The following SLC2A9 variants were observed in gnomAD, a reference collection of about 807,000 sequenced individuals.
SLC2A9 encodes solute carrier family 2 member 9.
Under a neutral mutation model 50.6 loss-of-function variants are expected in SLC2A9, and 39 were observed. The ratio of observed to expected loss-of-function variants is 0.77; its 90% CI spans 0.60 to 1.01. SLC2A9 has a LOEUF of 1.01. Ranked by LOEUF, SLC2A9 falls within the 50% of genes least tolerant of loss-of-function variation. The pLI is 0.00. For missense variants in SLC2A9, 686 were observed against 677.6 expected (o/e 1.01, Z -0.14); for synonymous variants, 324 against 276.9 (o/e 1.17, Z -1.69).
At chr4:9,829,623 C>A (rs1458129447) in intron 11 of SLC2A9, among the ~76,000 whole-genome samples, 1 of 152,102 alleles carries the variant, frequency 6.6e-6, no homozygotes, top group African/African-American at 2.4e-5. Context: ...ATCCATCTGA[C>A]AGAGGTCTAA....
intron 8 of SLC2A9, among the ~76,000 whole-genome samples, chr4:9,907,341 T>C (rs999310125): frequency 6.6e-6 from 1 of 152,216 alleles, no homozygotes; most frequent in Admixed American, 6.5e-5. Flanking sequence ...GGAGCCAGGA[T>C]TCAAATCCAG....
At chr4:9,874,784 G>A (rs1416034778) in intron 10 of SLC2A9, among the ~76,000 whole-genome samples, 1 of 152,054 alleles carries the variant, frequency 6.6e-6, no homozygotes. Flanking sequence ...CTTTAGAAAT[G>A]GCCATAAGTT....
At chr4:9,959,975 C>A (rs1251266543) in intron 5 of SLC2A9, among the ~76,000 whole-genome samples, 1 of 152,228 alleles carries the variant, frequency 6.6e-6, no homozygotes, top group East Asian at 1.9e-4. Flanking sequence ...CATTGTCCCA[C>A]TTCAACACCA....
At chr4:9,782,305 G>T in intron 3 of SLC2A9, 3 of 1,614,014 alleles carry the variant, frequency 1.9e-6, no homozygotes, top group Non-Finnish European at 2.5e-6. Context: ...TCGTGGCGCT[G>T]CTGGTCATGC....
intron 11 of SLC2A9, among the ~76,000 whole-genome samples, chr4:9,832,102 C>T (rs1165306934): frequency 2.0e-5 from 3 of 152,172 alleles, no homozygotes; most frequent in Non-Finnish European, 2.9e-5. Context: ...CATGGCGGCC[C>T]GAGGCCCGAG....
intron 5 of SLC2A9, among the ~76,000 whole-genome samples, chr4:9,958,690 A>G (rs1751728787): frequency 6.6e-6 from 1 of 152,226 alleles, no homozygotes; most frequent in Non-Finnish European, 1.5e-5. Flanking sequence ...CATAGGATCC[A>G]GGAACCAGTG....
At chr4:9,889,680 G>C (rs1462349589) in intron 9 of SLC2A9, among the ~76,000 whole-genome samples, 3 of 152,322 alleles carry the variant, frequency 2.0e-5, no homozygotes, top group African/African-American at 7.2e-5. Context: ...TAAGACATTT[G>C]ACAGGTGATC....
intron 10 of SLC2A9, among the ~76,000 whole-genome samples, chr4:9,874,942 AG>A (rs1560221553): frequency 1.5e-3 from 208 of 142,306 alleles, no homozygotes; most frequent in African/African-American, 2.2e-3. Flanking sequence ...GCCATAGGTT[AG>A]CGTCTGTCTA....
intron 10 of SLC2A9, among the ~76,000 whole-genome samples, chr4:9,858,246 T>A (rs773307095): frequency 6.6e-6 from 1 of 152,072 alleles, no homozygotes; most frequent in African/African-American, 2.4e-5. Flanking sequence ...CCTGGGGGCA[T>A]GGAGTGGGCA....
chr4:9,792,271 G>T (rs1482530315), intron 3 of SLC2A9, among the ~76,000 whole-genome samples: 2 of 148,904 alleles, frequency 1.3e-5, no homozygotes, highest in African/African-American at 5.0e-5. Context: ...TAAACTCTTG[G>T]GCTCTGGTGA....
chr4:9,986,620 T>A (rs1578199030), intron 3 of SLC2A9, among the ~76,000 whole-genome samples: 4 of 152,046 alleles, frequency 2.6e-5, no homozygotes, highest in African/African-American at 4.8e-5. Context: ...CTTCCTTATT[T>A]CCTTTCCTTT....
intron 10 of SLC2A9, among the ~76,000 whole-genome samples, chr4:9,854,913 C>T (rs1221987876): frequency 1.3e-5 from 2 of 152,122 alleles, no homozygotes; most frequent in Non-Finnish European, 2.9e-5. Context: ...ACTAATATCC[C>T]TTCATGTTAA....
intron 5 of SLC2A9, among the ~76,000 whole-genome samples, chr4:9,948,122 C>A (rs183165942): frequency 6.6e-6 from 1 of 151,874 alleles, no homozygotes; most frequent in Non-Finnish European, 1.5e-5. Context: ...TAAACACCAC[C>A]CCCCCACCCC....
intron 10 of SLC2A9, among the ~76,000 whole-genome samples, chr4:9,856,684 T>G (rs1223768353): frequency 1.3e-5 from 2 of 151,390 alleles, no homozygotes; most frequent in Non-Finnish European, 3.0e-5. Flanking sequence ...GCAGCAACTA[T>G]TCACAATAGC....
chr4:9,963,383 A>G (rs1480555951), intron 5 of SLC2A9, among the ~76,000 whole-genome samples: 1 of 152,220 alleles, frequency 6.6e-6, no homozygotes, highest in Non-Finnish European at 1.5e-5. Flanking sequence ...GGTCTTCTTC[A>G]TAATTCCAAG....
intron 3 of SLC2A9, chr4:9,995,526 G>A (rs1231287299): frequency 1.3e-5 from 2 of 152,132 alleles, no homozygotes; most frequent in East Asian, 3.9e-4. Flanking sequence ...CTTCTTAATC[G>A]GGTTTCTGTA....
At chr4:9,972,052 C>T (rs1408769225) in intron 5 of SLC2A9, among the ~76,000 whole-genome samples, 1 of 152,194 alleles carries the variant, frequency 6.6e-6, no homozygotes, top group Non-Finnish European at 1.5e-5. Flanking sequence ...CCTGAATATG[C>T]ACATGGTTTA....
At chr4:9,846,684 G>C (rs1435526157) in intron 10 of SLC2A9, among the ~76,000 whole-genome samples, 1 of 152,176 alleles carries the variant, frequency 6.6e-6, no homozygotes, top group Non-Finnish European at 1.5e-5. Flanking sequence ...ACCATGTGGA[G>C]GTAGCCAGGC....
chr4:9,772,649 CA>C (rs760073797), intron 1 of SLC2A9, among the ~76,000 whole-genome samples: 1 of 152,152 alleles, frequency 6.6e-6, no homozygotes, highest in Non-Finnish European at 1.5e-5. Context: ...AAATTATTAA[CA>C]AGAAATAAAC....
Sources: allele counts gnomAD v4.1 joint callset (sites outside exome capture counted in the v4.1 genomes callset), GRCh38; gene constraint gnomAD v4.1.1; transcripts MANE v1.5; gene names NCBI Gene and HGNC (gene_info 2026-07-23, HGNC 2026-07-21).